STK33: variants seen among roughly 807,000 people sequenced by gnomAD.
STK33 encodes serine/threonine-protein kinase 33.
Under a neutral mutation model 58.0 loss-of-function variants are expected in STK33, and 52 were observed. The ratio of observed to expected loss-of-function variants is 0.90; its 90% CI spans 0.72 to 1.13. The LOEUF (loss-of-function observed/expected upper bound fraction) is 1.13. STK33 is among the 50% of genes most tolerant of loss of function. The probability of loss-of-function intolerance (pLI) is 0.00; values close to 1 mark genes in which losing one functional copy is unlikely to be tolerated. For synonymous variants in STK33, 215 were observed against 200.1 expected, an observed-to-expected ratio of 1.07 and a Z score of -0.63; for missense variants, 630 against 604.2, an observed-to-expected ratio of 1.04 and a Z score of -0.45.
chr11:8,387,649 A>T (rs1848562283), downstream of STK33, among the ~76,000 whole-genome samples: 1 of 152,230 alleles, frequency 6.6e-6, no homozygotes, highest in Non-Finnish European at 1.5e-5. Flanking sequence ...CCACTATTAT[A>T]GCTCAAAGTC....
chr11:8,382,941 T>C, the STK33 span, among the ~76,000 whole-genome samples: 2 of 152,144 alleles, frequency 1.3e-5, no homozygotes, highest in East Asian at 1.9e-4. Context: ...AAAGCCTCTT[T>C]AGCAGTCACT....
At chr11:8,399,151 C>A (rs966231543) in intron 15 of STK33, among the ~76,000 whole-genome samples, 34 of 152,216 alleles carry the variant, frequency 2.2e-4, no homozygotes, top group Non-Finnish European at 3.5e-4. Flanking sequence ...CACCCCAAAT[C>A]AACAGACTAT....
At chr11:8,570,833 C>T (rs1957759655) in intron 1 of STK33, among the ~76,000 whole-genome samples, 1 of 152,102 alleles carries the variant, frequency 6.6e-6, no homozygotes, top group Admixed American at 6.5e-5. Context: ...TCAAATTGTA[C>T]ACTTTAAGCA....
chr11:8,549,027 G>A (rs1346238201), intron 1 of STK33, among the ~76,000 whole-genome samples: 1 of 152,068 alleles, frequency 6.6e-6, no homozygotes, highest in Non-Finnish European at 1.5e-5. Context: ...TTTCACAGAT[G>A]ACATGATCTT....
Position 8,436,013 on chromosome 11 carries a change from G to C in STK33, c.1060+14C>G. The C allele has an allele frequency of 2.1e-6, 3 of 1,404,370 alleles. No individual in the cohort carries two copies. The highest frequency in any genetic ancestry group is 1.5e-5 in the African/African-American group (1 of 68,518). The allele number at this position is 1,404,370 out of a possible 1,614,324, so 87.0% of individuals were successfully genotyped here. A position where few individuals can be genotyped will look rare whatever the true frequency, so the allele number is the denominator to read the frequency against. ...TATATTAGCTTTAGTAAATAATAAC[G>C]CATCTATACTTACCACAGTCACTTA... On this transcript the variant is annotated intron_variant, in intron 13 of 15. Transcript: ENST00000687296.
intron 1 of STK33, among the ~76,000 whole-genome samples, chr11:8,510,215 C>G (rs1952200512): frequency 6.6e-6 from 1 of 152,080 alleles, no homozygotes; most frequent in African/African-American, 2.4e-5. Context: ...AGTAAGGTAT[C>G]TCATTGTGGT....
chr11:8,365,657 GC>G, the STK33 span, among the ~76,000 whole-genome samples: 1 of 152,084 alleles, frequency 6.6e-6, no homozygotes, highest in Non-Finnish European at 1.5e-5. Context: ...CCACTTTCCA[GC>G]CCAGCTCCCG....
intron 13 of STK33, 41 bp from the exon 14 acceptor site, chr11:8,435,620 A>C: frequency 8.2e-7 from 1 of 1,225,660 alleles, no homozygotes; most frequent in Non-Finnish European, 1.1e-6. Context: ...TTATTTAACT[A>C]CAATTAATAG....
At chr11:8,557,623 T>TA (rs1170483401) in intron 1 of STK33, among the ~76,000 whole-genome samples, 2 of 152,080 alleles carry the variant, frequency 1.3e-5, no homozygotes, top group Non-Finnish European at 2.9e-5. Context: ...AAGTCAGATG[T>TA]AAAGAAGGCA....
At chr11:8,348,749 A>G in the STK33 span, among the ~76,000 whole-genome samples, 1 of 152,104 alleles carries the variant, frequency 6.6e-6, no homozygotes, top group African/African-American at 2.4e-5. Context: ...TCCACTGTGG[A>G]CACAGCCCTG....
At chr11:8,450,669 A>C (rs1209232364) in intron 11 of STK33, among the ~76,000 whole-genome samples, 1 of 152,182 alleles carries the variant, frequency 6.6e-6, no homozygotes, top group Non-Finnish European at 1.5e-5. Flanking sequence ...TGAGGCCAGC[A>C]TAACCCTAAC....
the STK33 span, among the ~76,000 whole-genome samples, chr11:8,363,089 C>G: frequency 6.6e-6 from 1 of 151,994 alleles, no homozygotes; most frequent in African/African-American, 2.4e-5. Flanking sequence ...AGGTGATGAC[C>G]GAAGTGGGAG....
At chr11:8,419,318 G>T (rs1377280917) in intron 14 of STK33, among the ~76,000 whole-genome samples, 1 of 152,136 alleles carries the variant, frequency 6.6e-6, no homozygotes, top group Admixed American at 6.5e-5. Flanking sequence ...AGTTATCCCA[G>T]CACCATTTAT....
chr11:8,445,369 A>C (rs1258971876), intron 11 of STK33, among the ~76,000 whole-genome samples: 44 of 152,122 alleles, frequency 2.9e-4, no homozygotes, highest in Admixed American at 2.8e-3. Flanking sequence ...AATACCCTTT[A>C]TTTCTTTCTC....
the STK33 span, among the ~76,000 whole-genome samples, chr11:8,386,126 G>C: frequency 6.6e-6 from 1 of 152,124 alleles, no homozygotes; most frequent in South Asian, 2.1e-4. Context: ...CTGGTGCCAC[G>C]GGGTCTGATG....
intron 11 of STK33, among the ~76,000 whole-genome samples, chr11:8,441,664 T>C (rs1944760853): frequency 1.3e-5 from 2 of 152,124 alleles, no homozygotes; most frequent in Non-Finnish European, 2.9e-5. Context: ...GCTGGCTGCC[T>C]TTTTAAAAAG....
rs1195893290 is a variant in STK33, at chr11:8,400,456, G to A, written c.1345-7746C>T. On this transcript the variant is annotated intron_variant, in intron 15 of 15. Coordinates refer to ENST00000687296, the MANE Select transcript of STK33 (RefSeq NM_001352389.2). ...AAAAACTCTCAATAAATTAGGTATTGATGGGACGTATCTCAAAATAATAAG... is the reference window on the plus strand; with the variant it reads ...AAAAACTCTCAATAAATTAGGTATTAATGGGACGTATCTCAAAATAATAAG... Among the ~76,000 whole-genome samples the A allele has an allele frequency of 2.6e-5, 4 of 152,266 alleles. No homozygotes were observed. In the East Asian group the frequency reaches 7.7e-4, roughly 29 times the overall value.
chr11:8,457,094 G>C (rs1218398262), intron 9 of STK33, among the ~76,000 whole-genome samples: 2 of 152,210 alleles, frequency 1.3e-5, no homozygotes, highest in East Asian at 3.9e-4. Context: ...GTCTACTTTT[G>C]ATTTTATAAC....
intron 6 of STK33, among the ~76,000 whole-genome samples, chr11:8,469,654 A>C (rs1478324892): frequency 1.3e-5 from 2 of 152,256 alleles, no homozygotes; most frequent in Non-Finnish European, 2.9e-5. Context: ...GATCCATCAG[A>C]GGAATCACTA....
Sources: gnomAD v4.1 joint callset for allele counts (sites outside exome capture counted in the v4.1 genomes callset) on GRCh38, gnomAD v4.1.1 for gene constraint, MANE v1.5 for transcripts, NCBI Gene and HGNC (gene_info 2026-07-23, HGNC 2026-07-21) for gene names.